Variants in NEK1 observed in about 807,000 individuals in gnomAD.
NEK1 encodes the protein serine/threonine-protein kinase Nek1.
In NEK1, 137 loss-of-function variants were observed where a neutral mutation model predicts 182.1. That is an observed-to-expected ratio of 0.75 (90% CI 0.65 to 0.87). NEK1 has a LOEUF of 0.87. Ranked by LOEUF, NEK1 falls within the 40% of genes least tolerant of loss-of-function variation. The pLI is 0.00. For synonymous variants in NEK1, 513 were observed against 492.2 expected, an observed-to-expected ratio of 1.04 and a Z score of -0.56; for missense variants, 1,391 against 1,494.4, an observed-to-expected ratio of 0.93 and a Z score of 1.14.
intron 23 of NEK1, among the ~76,000 whole-genome samples, chr4:169,497,978 T>C (rs1751680251): frequency 6.6e-6 from 1 of 152,178 alleles, no homozygotes; most frequent in South Asian, 2.1e-4. Flanking sequence ...TTCTGTCTTG[T>C]TGATCTGTCT....
intron 27 of NEK1, among the ~76,000 whole-genome samples, chr4:169,444,778 T>C (rs1317244966): frequency 6.6e-6 from 1 of 152,114 alleles, no homozygotes; most frequent in Non-Finnish European, 1.5e-5. Flanking sequence ...ACAGAACACA[T>C]CCAACAGCAG....
chr4:169,593,862 G>A (rs565949489), intron 5 of NEK1, among the ~76,000 whole-genome samples: 6 of 152,146 alleles, frequency 3.9e-5, no homozygotes, highest in Non-Finnish European at 7.4e-5. Flanking sequence ...GATGGCGGGC[G>A]CCTGTAGTCC....
chr4:169,446,325 TA>T (rs1561201386), intron 27 of NEK1, among the ~76,000 whole-genome samples: 1 of 149,410 alleles, frequency 6.7e-6, no homozygotes, highest in Admixed American at 6.6e-5. Flanking sequence ...ATAAAGAAAA[TA>T]AAAAACAAAG....
chr4:169,557,200 G>A (rs1762286950), intron 16 of NEK1, among the ~76,000 whole-genome samples: 1 of 152,016 alleles, frequency 6.6e-6, no homozygotes, highest in Admixed American at 6.6e-5. Flanking sequence ...AGCCTGGAAA[G>A]CCAAGAAAGG....
chr4:169,565,673 T>C (rs1489336836), intron 12 of NEK1, among the ~76,000 whole-genome samples: 1 of 152,114 alleles, frequency 6.6e-6, no homozygotes, highest in Non-Finnish European at 1.5e-5. Flanking sequence ...GTGAAAACAT[T>C]ATGCTGAGTT....
Position 169,599,146 on chromosome 4 carries a change from A to T in NEK1, c.266T>A (p.Phe89Tyr), listed in dbSNP as rs1169733036. 6.2e-7 allele frequency: 1 copy of T among 1,613,578 alleles called. No individual in the cohort carries two copies. Among genetic ancestry groups the T allele is most frequent in the Non-Finnish European group, 8.5e-7 (1 of 1,179,748 alleles). ...VMDYCEGGDLFKRINAQKGVL... is the reference protein window; with the variant it reads ...VMDYCEGGDLYKRINAQKGVL... The stretch of plus-strand genomic sequence containing the variant: ...GCCTTTCTGAGCATTTATTCGCTTA[A>T]ACAGATCCCCTCCCTCACAGTAATC... Residue 89 changes from phenylalanine to tyrosine, a missense_variant, in exon 5 of 36, where the codon TTT (phenylalanine) becomes TAT (tyrosine). By Grantham distance (22) the Phe-to-Tyr change is conservative (BLOSUM62 3). Transcript: ENST00000507142.
chr4:169,590,811 T>C lies in NEK1; in HGVS notation c.313-2A>G, dbSNP rs1768349641. The C allele has an allele frequency of 6.3e-7, 1 of 1,583,040 alleles. No individual in the cohort carries two copies. The highest frequency in any genetic ancestry group is 8.6e-7 in the Non-Finnish European group (1 of 1,161,700). ...TATCTGTACAAACCAGTCCAAAATCTAGGAAGAAAAATCAGATCTGTCAAG... is the reference window on the plus strand; with the variant it reads ...TATCTGTACAAACCAGTCCAAAATCCAGGAAGAAAAATCAGATCTGTCAAG... On this transcript the variant is annotated splice_acceptor_variant, in intron 5 of 35. Transcript: ENST00000507142. LOFTEE classifies it high-confidence loss of function.
intron 23 of NEK1, among the ~76,000 whole-genome samples, chr4:169,483,044 C>A (rs1748381353): frequency 6.6e-6 from 1 of 152,196 alleles, no homozygotes; most frequent in African/African-American, 2.4e-5. Flanking sequence ...AATATGCCTT[C>A]ATCACCAAGC....
intron 20 of NEK1, 65 bp downstream of exon 20, chr4:169,508,704 G>A: frequency 1.6e-6 from 2 of 1,229,392 alleles, no homozygotes; most frequent in Non-Finnish European, 2.2e-6. Context: ...AACCATGCAA[G>A]AAAAGAAGGC....
At chr4:169,597,667 G>A (rs1188061769) in intron 5 of NEK1, among the ~76,000 whole-genome samples, 2 of 152,006 alleles carry the variant, frequency 1.3e-5, no homozygotes, top group Non-Finnish European at 2.9e-5. Context: ...AGGCGCGGTG[G>A]CTCACGCCTG....
chr4:169,492,548 T>A (rs1179736023), intron 23 of NEK1, among the ~76,000 whole-genome samples: 3 of 152,092 alleles, frequency 2.0e-5, no homozygotes, highest in African/African-American at 7.2e-5. Flanking sequence ...CGGTGGCGAT[T>A]AGAGGACTTC....
At chr4:169,453,463 C>T (rs1011867048) in intron 27 of NEK1, among the ~76,000 whole-genome samples, 3 of 152,172 alleles carry the variant, frequency 2.0e-5, no homozygotes, top group African/African-American at 7.2e-5. Flanking sequence ...AAACTGGCCC[C>T]AAAACTGGCT....
At chr4:169,531,792 G>C (rs1386000478) in intron 19 of NEK1, among the ~76,000 whole-genome samples, 5 of 152,132 alleles carry the variant, frequency 3.3e-5, no homozygotes, top group African/African-American at 1.2e-4. Context: ...GGGAAGACAG[G>C]CTAGCCAATT....
intron 18 of NEK1, among the ~76,000 whole-genome samples, chr4:169,542,281 TGTTA>T (rs1561378166): frequency 1.3e-5 from 2 of 152,100 alleles, no homozygotes; most frequent in African/African-American, 4.8e-5. Context: ...TCTGTTCTTG[TGTTA>T]GTTTGCTGAG....
Position 169,588,559 on chromosome 4 carries a change from T to G in NEK1, c.551+90A>C, listed in dbSNP as rs1023770789. On this transcript the variant is annotated intron_variant, in intron 8 of 35. Coordinates refer to ENST00000507142, the MANE Select transcript of NEK1 (RefSeq NM_001199397.3). ...TATGTGTTTACATGTATGTATTATT[T>G]ATTTTAGAATAGTATTCCAAAGGTT... The G allele has an allele frequency of 1.3e-5, 9 of 701,394 alleles. No individual in the cohort carries two copies. In the Admixed American group the frequency reaches 1.3e-4, roughly 10 times the overall value. The allele number at this position is 701,394 out of a possible 1,614,324, so 43.4% of individuals were successfully genotyped here.
intron 19 of NEK1, among the ~76,000 whole-genome samples, chr4:169,533,678 T>A (rs1053348184): frequency 4.6e-5 from 7 of 152,160 alleles, no homozygotes; most frequent in Admixed American, 4.6e-4. Context: ...AACCAAAGAA[T>A]ATATTCCAGT....
At chr4:169,487,139 A>G (rs1561276359) in intron 23 of NEK1, among the ~76,000 whole-genome samples, 1 of 152,198 alleles carries the variant, frequency 6.6e-6, no homozygotes, top group East Asian at 1.9e-4. Flanking sequence ...AAGAATCACA[A>G]TAGTTAAGGC....
intron 27 of NEK1, among the ~76,000 whole-genome samples, chr4:169,462,520 G>C (rs1392768416): frequency 2.6e-5 from 4 of 151,936 alleles, no homozygotes; most frequent in Non-Finnish European, 5.9e-5. Context: ...TTCCATTATT[G>C]AACATATCAG....
chr4:169,574,538 C>T (rs1273043962), intron 12 of NEK1, among the ~76,000 whole-genome samples: 10 of 149,040 alleles, frequency 6.7e-5, no homozygotes, highest in African/African-American at 2.5e-4. Context: ...ACCCGCGAGG[C>T]GGAGCTTGCA....
Sources: allele counts gnomAD v4.1 joint callset (sites outside exome capture counted in the v4.1 genomes callset), GRCh38; gene constraint gnomAD v4.1.1; transcripts MANE v1.5; gene names NCBI Gene and HGNC (gene_info 2026-07-23, HGNC 2026-07-21).